EGFR: variants seen among roughly 807,000 people sequenced by gnomAD.
EGFR encodes the protein avian erythroblastic leukemia viral (v-erb-b) oncogene homolog.
In EGFR, 58 loss-of-function variants were observed where a neutral mutation model predicts 143.0. That is an observed-to-expected ratio of 0.41 (90% CI 0.33 to 0.50). The LOEUF (loss-of-function observed/expected upper bound fraction) is 0.50. Among genes scored for constraint, EGFR ranks in the 20% least tolerant of loss-of-function variants. The pLI is 0.39. For synonymous variants in EGFR, 613 were observed against 594.4 expected (o/e 1.03, Z -0.45); for missense variants, 1,307 against 1,579.0 (o/e 0.83, Z 2.92).
At chr7:55,031,084 T>C (rs571162011) in intron 1 of EGFR, among the ~76,000 whole-genome samples, 1 of 152,360 alleles carries the variant, frequency 6.6e-6, no homozygotes, top group East Asian at 1.9e-4. Flanking sequence ...CCAAAAGCAA[T>C]TTTCTATTTC....
intron 4 of EGFR, among the ~76,000 whole-genome samples, chr7:55,148,239 G>C (rs1240260177): frequency 2.0e-5 from 3 of 152,042 alleles, no homozygotes; most frequent in Admixed American, 6.5e-5. Context: ...TCAGCTGTCT[G>C]GTGGACAATG....
chr7:55,158,581 T>G (rs1251259715), intron 11 of EGFR, among the ~76,000 whole-genome samples: 1 of 152,236 alleles, frequency 6.6e-6, no homozygotes, highest in African/African-American at 2.4e-5. Flanking sequence ...CCAAGATTCT[T>G]ATAAAAATAA....
intron 17 of EGFR, 51 bp from the exon 18 acceptor site, chr7:55,173,870 G>C (rs1296963985): frequency 1.2e-6 from 2 of 1,613,994 alleles, no homozygotes; most frequent in Admixed American, 1.7e-5. Flanking sequence ...CTGCTTTCCA[G>C]CATGGTGAGG....
At chr7:55,150,555 T>TA (rs1268632232) in intron 4 of EGFR, among the ~76,000 whole-genome samples, 1 of 152,236 alleles carries the variant, frequency 6.6e-6, no homozygotes, top group Non-Finnish European at 1.5e-5. Context: ...CAGTAAAAGA[T>TA]ATCTGCATGA....
intron 1 of EGFR, among the ~76,000 whole-genome samples, chr7:55,025,431 A>G (rs1163956104): frequency 6.6e-6 from 1 of 152,150 alleles, no homozygotes; most frequent in Non-Finnish European, 1.5e-5. Context: ...CTGGATAGAT[A>G]CTGAATGCAA....
intron 22 of EGFR, among the ~76,000 whole-genome samples, chr7:55,197,822 C>A (rs1197547768): frequency 6.6e-6 from 1 of 152,184 alleles, no homozygotes; most frequent in Non-Finnish European, 1.5e-5. Context: ...ATATGTTGAA[C>A]CAATCTTGCA....
chr7:55,073,754 A>G (rs1789973250), intron 1 of EGFR, among the ~76,000 whole-genome samples: 1 of 152,152 alleles, frequency 6.6e-6, no homozygotes, highest in Non-Finnish European at 1.5e-5. Context: ...TTACATAGAG[A>G]CATTCACAGC....
At chr7:55,151,813 G>A (rs1181840577) in intron 5 of EGFR, among the ~76,000 whole-genome samples, 1 of 152,204 alleles carries the variant, frequency 6.6e-6, no homozygotes, top group Admixed American at 6.5e-5. Flanking sequence ...GGCGGAGCTT[G>A]CAGTGAGCCG....
intron 1 of EGFR, among the ~76,000 whole-genome samples, chr7:55,100,692 C>G (rs1791758756): frequency 6.6e-6 from 1 of 152,212 alleles, no homozygotes; most frequent in Admixed American, 6.5e-5. Flanking sequence ...CACACGCCGT[C>G]CTTGGGGTGG....
intron 1 of EGFR, among the ~76,000 whole-genome samples, chr7:55,137,162 T>C (rs1169918122): frequency 6.6e-6 from 1 of 152,112 alleles, no homozygotes; most frequent in African/African-American, 2.4e-5. Context: ...AGGGTAGGCC[T>C]TTAAGCGTAC....
chr7:55,037,512 T>C (rs1021626669), intron 1 of EGFR, among the ~76,000 whole-genome samples: 1 of 152,250 alleles, frequency 6.6e-6, no homozygotes, highest in African/African-American at 2.4e-5. Flanking sequence ...CCTCAGAGCC[T>C]TCCGCACGCG....
intron 1 of EGFR, among the ~76,000 whole-genome samples, chr7:55,067,334 C>T (rs187890742): frequency 1.4e-5 from 2 of 146,240 alleles, no homozygotes; most frequent in Admixed American, 1.3e-4. Context: ...GGGGAAATGA[C>T]TCCAGAGTGT....
chr7:55,062,395 A>C (rs867643342), intron 1 of EGFR, among the ~76,000 whole-genome samples: 1 of 152,202 alleles, frequency 6.6e-6, no homozygotes, highest in South Asian at 2.1e-4. Flanking sequence ...CAGTAGAGAC[A>C]TGGAGGACTC....
chr7:55,187,698 C>G (rs1471881346), intron 20 of EGFR, among the ~76,000 whole-genome samples: 1 of 152,222 alleles, frequency 6.6e-6, no homozygotes, highest in Admixed American at 6.5e-5. Flanking sequence ...AGTCCAGAGA[C>G]AGGAGCGGAG....
intron 1 of EGFR, among the ~76,000 whole-genome samples, chr7:55,111,972 C>T (rs1487633464): frequency 6.6e-6 from 1 of 152,144 alleles, no homozygotes; most frequent in Admixed American, 6.5e-5. Flanking sequence ...GGTGGGATTG[C>T]GTGATGGGCT....
intron 1 of EGFR, among the ~76,000 whole-genome samples, chr7:55,105,180 C>T (rs968674600): frequency 6.6e-6 from 1 of 152,172 alleles, no homozygotes; most frequent in East Asian, 1.9e-4. Context: ...TTAGCCATCT[C>T]CCCTGATGTC....
rs1788173396 is a variant in EGFR at position 55,208,896 on chromosome 7, G to C, written c.*3279G>C. On this transcript the variant is annotated 3_prime_UTR_variant, in exon 28 of 28. Coordinates refer to ENST00000275493, the MANE Select transcript of EGFR (RefSeq NM_005228.5). ...TTTTCTCAGGTGCAGCCCAGCCGTA[G>C]GGCCTTTTCAGAGCACCCCCTGGTT... 1 of 152,262 alleles carries C rather than the reference G, an allele frequency of 6.6e-6. No homozygotes were observed. The highest frequency in any genetic ancestry group is 2.4e-5 in the African/African-American group (1 of 41,540). 9.4% of individuals were successfully genotyped at this position (152,262 alleles called of 1,614,324 possible).
intron 16 of EGFR, 35 bp downstream of exon 16, chr7:55,171,248 G>T (rs17290246): frequency 1.9e-6 from 3 of 1,613,832 alleles, no homozygotes; most frequent in Non-Finnish European, 2.5e-6. Flanking sequence ...CATGGACCTC[G>T]TCAAGAATGA....
chr7:55,173,896 G>T (rs751132626), intron 17 of EGFR, 25 bp from the exon 18 acceptor site: 1 of 1,614,232 alleles, frequency 6.2e-7, no homozygotes, highest in Non-Finnish European at 8.5e-7. Context: ...GGTGACCCTT[G>T]TCTCTGTGTT....
Sources: allele counts gnomAD v4.1 joint callset (sites outside exome capture counted in the v4.1 genomes callset), GRCh38; gene constraint gnomAD v4.1.1; transcripts MANE v1.5; gene names NCBI Gene and HGNC (gene_info 2026-07-23, HGNC 2026-07-21).